EZH1: variants seen among roughly 807,000 people sequenced by gnomAD.
EZH1 encodes enhancer of zeste 1 polycomb repressive complex 2 subunit.
EZH1 carries 33 observed loss-of-function variants against 100.5 expected under a neutral mutation model. The observed-to-expected ratio is 0.33, with a 90% CI of 0.25 to 0.44. EZH1 has a LOEUF of 0.44. Ranked by LOEUF, EZH1 falls within the 20% of genes least tolerant of loss-of-function variation. EZH1 has a pLI of 1.00. For missense variants in EZH1, 475 were observed against 928.4 expected (o/e 0.51, Z 6.35); for synonymous variants, 272 against 313.8 (o/e 0.87, Z 1.41).
At position 42,730,852 on chromosome 17, in the gene EZH1, T is replaced by A; in HGVS notation, c.-36A>T. On this transcript the variant is annotated 5_prime_UTR_variant, in exon 2 of 21. Transcript: ENST00000428826. ...CCTTATAGAATGCAAGGGGAAGTGT[T>A]GGGTTTTACAGTGTGCCTCTGTTCT... is the stretch of plus-strand genomic sequence containing the variant. The A allele has an allele frequency of 4.1e-6, 4 of 985,446 alleles. No homozygotes were observed. Among genetic ancestry groups the A allele is most frequent in the Non-Finnish European group, 4.8e-6 (4 of 829,888 alleles). 61.0% of individuals were successfully genotyped at this position (985,446 alleles called of 1,614,324 possible). A position where few individuals can be genotyped will look rare whatever the true frequency, so the allele number is the denominator to read the frequency against.
Position 42,745,011 on chromosome 17 carries a change from C to G in EZH1, c.-103G>C. 7.8e-7 allele frequency: 1 copy of G among 1,274,002 alleles called. No homozygotes were observed. Among genetic ancestry groups the G allele is most frequent in the South Asian group, 1.3e-5 (1 of 78,396 alleles). 78.9% of individuals were successfully genotyped at this position (1,274,002 alleles called of 1,614,324 possible). The stretch of plus-strand genomic sequence containing the variant: ...GGCCCAGGCTTGTTTACTCACTCAC[C>G]CTCCATCCCGAGCCGCGGGTCCCGC... On this transcript the variant is annotated splice_region_variant and 5_prime_UTR_variant, in exon 1 of 21. Coordinates refer to ENST00000428826, the MANE Select transcript of EZH1 (RefSeq NM_001991.5).
At chr17:42,728,192 C>T (rs1455258562) in intron 3 of EZH1, among the ~76,000 whole-genome samples, 1 of 148,880 alleles carries the variant, frequency 6.7e-6, no homozygotes. Context: ...CGGCTCACTG[C>T]AACCTCTATC....
At chr17:42,742,048 C>T (rs960922930) in intron 1 of EZH1, among the ~76,000 whole-genome samples, 2 of 152,082 alleles carry the variant, frequency 1.3e-5, no homozygotes, top group African/African-American at 2.4e-5. Context: ...ACAAGCCCGA[C>T]CACATTTTTC....
intron 1 of EZH1, among the ~76,000 whole-genome samples, chr17:42,738,574 T>C (rs2054113646): frequency 6.6e-6 from 1 of 150,780 alleles, no homozygotes; most frequent in Admixed American, 6.7e-5. Flanking sequence ...CAGGCTGGAG[T>C]GCGTTGGTGC....
At chr17:42,723,184 G>A (rs1285002826) in intron 5 of EZH1, among the ~76,000 whole-genome samples, 1 of 152,146 alleles carries the variant, frequency 6.6e-6, no homozygotes, top group Non-Finnish European at 1.5e-5. Flanking sequence ...AGACCATCCT[G>A]GCCAACATGG....
chr17:42,709,386 T>C (rs1225466573), intron 13 of EZH1, among the ~76,000 whole-genome samples: 1 of 152,126 alleles, frequency 6.6e-6, no homozygotes, highest in East Asian at 1.9e-4. Context: ...CTCTGATAGG[T>C]GATAGTCACT....
intron 1 of EZH1, 136 bp from the exon 2 acceptor site, chr17:42,731,054 G>A (rs1597858637): frequency 5.6e-6 from 1 of 179,078 alleles, no homozygotes; most frequent in East Asian, 1.8e-4. Flanking sequence ...TCTAAGACAG[G>A]TCCCTATAAT....
At position 42,723,733 on chromosome 17, in the gene EZH1, C is replaced by G. The variant is rs2053763403; in HGVS notation, c.366+572G>C. On this transcript the variant is annotated intron_variant, in intron 5 of 20. Transcript: ENST00000428826. ...TTTTATTCTAAGAGATGATTCCCTT[C>G]TATAAACCTCGACCTCATTCCAACC... Among the ~76,000 whole-genome samples the G allele has an allele frequency of 2.0e-5, 3 of 152,296 alleles. No individual in the cohort carries two copies. In the South Asian group the frequency reaches 6.2e-4, roughly 32 times the overall value.
chr17:42,722,643 AAAAT>A, intron 6 of EZH1, 148 bp downstream of exon 6: 1 of 770,214 alleles, frequency 1.3e-6, no homozygotes, highest in Non-Finnish European at 1.9e-6. Context: ...AAAAAAAAAA[AAAAT>A]TAACTCCCAG....
At chr17:42,716,023 G>C (rs1456722961) in intron 10 of EZH1, among the ~76,000 whole-genome samples, 3 of 150,452 alleles carry the variant, frequency 2.0e-5, no homozygotes, top group Non-Finnish European at 4.4e-5. Flanking sequence ...CTCCAGCCTG[G>C]GCAACAAGAG....
chr17:42,730,032 C>T (rs1247944392), intron 2 of EZH1, among the ~76,000 whole-genome samples: 1 of 151,812 alleles, frequency 6.6e-6, no homozygotes, highest in Non-Finnish European at 1.5e-5. Context: ...AGCAAGACTC[C>T]GTCTCAAAAC....
At chr17:42,714,835 A>G (rs1393367956) in intron 10 of EZH1, among the ~76,000 whole-genome samples, 1 of 145,676 alleles carries the variant, frequency 6.9e-6, no homozygotes, top group Non-Finnish European at 1.5e-5. Context: ...CAATTATACT[A>G]TTTTAAACAT....
intron 1 of EZH1, among the ~76,000 whole-genome samples, chr17:42,744,480 T>TG (rs1338881435): frequency 6.6e-6 from 1 of 152,156 alleles, no homozygotes; most frequent in East Asian, 1.9e-4. Flanking sequence ...CCTGAGTCAG[T>TG]GCTCCTTTAC....
At chr17:42,740,891 T>C (rs2143898975) in intron 1 of EZH1, among the ~76,000 whole-genome samples, 1 of 152,224 alleles carries the variant, frequency 6.6e-6, no homozygotes, top group East Asian at 1.9e-4. Context: ...CTCATGACTT[T>C]AGGGTGTAGT....
chr17:42,716,842 G>C (rs1259487007), intron 10 of EZH1, among the ~76,000 whole-genome samples: 3 of 152,124 alleles, frequency 2.0e-5, no homozygotes, highest in Non-Finnish European at 2.9e-5. Context: ...GGGATTACAG[G>C]CGTGCGCCAC....
At position 42,705,198 on chromosome 17, in the gene EZH1, G is replaced by A. The variant is rs957929625; in HGVS notation, c.1840-15C>T. 3.1e-6 allele frequency: 5 copies of A among 1,594,322 alleles called. No individual in the cohort carries two copies. The African/African-American group carries it at 5.4e-5, about 17-fold the overall frequency. On this transcript the variant is annotated splice_polypyrimidine_tract_variant and intron_variant, in intron 16 of 20. Transcript: ENST00000428826. Reference sequence around the variant, plus strand: ...AGCAGCAGGTGCTGGGGAAGAGGGGGCCAAGTCTCAGACTACAGGGTGTGC... The same window carrying A: ...AGCAGCAGGTGCTGGGGAAGAGGGGACCAAGTCTCAGACTACAGGGTGTGC...
chr17:42,732,307 A>C (rs2053965960), intron 1 of EZH1, among the ~76,000 whole-genome samples: 1 of 152,030 alleles, frequency 6.6e-6, no homozygotes, highest in Non-Finnish European at 1.5e-5. Context: ...TATTTTTCAA[A>C]ATTTTCTTTT....
chr17:42,737,165 T>C (rs1052342506), intron 1 of EZH1, among the ~76,000 whole-genome samples: 2 of 152,140 alleles, frequency 1.3e-5, no homozygotes, highest in Non-Finnish European at 2.9e-5. Context: ...TTTGTATTTT[T>C]AGTAGAGACA....
At chr17:42,707,931 A>G in intron 15 of EZH1, 27 bp downstream of exon 15, 6 of 1,613,286 alleles carry the variant, frequency 3.7e-6, no homozygotes, top group Non-Finnish European at 4.2e-6. Context: ...GTTTTGGTAG[A>G]CTATACAGAA....
Sources: allele counts gnomAD v4.1 joint callset (sites outside exome capture counted in the v4.1 genomes callset), GRCh38; gene constraint gnomAD v4.1.1; transcripts MANE v1.5; gene names NCBI Gene and HGNC (gene_info 2026-07-23, HGNC 2026-07-21).